The following C3orf20 variants were observed in gnomAD, a reference collection of about 807,000 sequenced individuals.
The protein encoded by C3orf20 is uncharacterized protein C3orf20.
A neutral mutation model predicts 88.3 loss-of-function variants in C3orf20; 76 were observed. That is an observed-to-expected ratio of 0.86 (90% CI 0.72 to 1.04). The LOEUF is 1.04. Ranked by LOEUF, C3orf20 falls within the 50% of genes least tolerant of loss-of-function variation. The pLI, the probability that C3orf20 is intolerant of heterozygous loss-of-function variation, is 0.00. For synonymous variants in C3orf20, 436 were observed against 437.4 expected (o/e 1.00, Z 0.04); for missense variants, 1,056 against 1,123.3 (o/e 0.94, Z 0.86).
At chr3:14,727,272 T>C (rs1344647277) in intron 11 of C3orf20, among the ~76,000 whole-genome samples, 1 of 152,030 alleles carries the variant, frequency 6.6e-6, no homozygotes, top group East Asian at 1.9e-4. Context: ...TCTCCCAGAG[T>C]GTCTTGCACA....
At chr3:14,760,036 C>A in intron 14 of C3orf20, 38 bp downstream of exon 14, 1 of 1,472,062 alleles carries the variant, frequency 6.8e-7, no homozygotes, top group Non-Finnish European at 9.5e-7. Context: ...TGCCTGCCAC[C>A]CCAGCCGCAG....
At chr3:14,747,791 TA>T (rs1003261672) in intron 12 of C3orf20, among the ~76,000 whole-genome samples, 9 of 152,054 alleles carry the variant, frequency 5.9e-5, no homozygotes, top group Non-Finnish European at 1.3e-4. Flanking sequence ...GACCTTTTTT[TA>T]AAAAATGTTG....
intron 12 of C3orf20, among the ~76,000 whole-genome samples, chr3:14,742,693 A>C (rs143183210): frequency 6.6e-5 from 10 of 152,300 alleles, no homozygotes; most frequent in African/African-American, 2.4e-4. Flanking sequence ...GACATACCCG[A>C]AACTGGGAAC....
chr3:14,677,752 C>T (rs547340554), intron 1 of C3orf20, among the ~76,000 whole-genome samples: 4 of 152,114 alleles, frequency 2.6e-5, no homozygotes, highest in African/African-American at 9.7e-5. Flanking sequence ...CTGCCCGCCT[C>T]GGCCTCCCAA....
Position 14,757,404 on chromosome 3 carries a change from G to A in C3orf20, c.1974G>A (p.Arg658=). Residue 658 remains arginine (R), a synonymous_variant, in exon 13 of 17, where the codon AGG becomes AGA. Coordinates refer to ENST00000253697, the MANE Select transcript of C3orf20 (RefSeq NM_032137.5). ...GKAREGRSPT[R]WAALPSDCPL... is the part of the protein sequence containing the mutation. ...CCCGCGAGGGGCGCAGCCCCACCAG[G>A]TGGGCGGCCTTGCCCTCAGACTGCC... The A allele has an allele frequency of 1.2e-6, 2 of 1,611,894 alleles. No homozygotes were observed. The highest frequency in any genetic ancestry group is 1.7e-5 in the Admixed American group (1 of 60,014).
At chr3:14,677,312 T>A (rs1269252310) in intron 1 of C3orf20, among the ~76,000 whole-genome samples, 1 of 152,130 alleles carries the variant, frequency 6.6e-6, no homozygotes, top group Non-Finnish European at 1.5e-5. Flanking sequence ...TGCTTTTAAA[T>A]CTATGCTTAT....
chr3:14,727,924 T>G (rs1053352623), intron 11 of C3orf20, among the ~76,000 whole-genome samples: 1 of 152,146 alleles, frequency 6.6e-6, no homozygotes, highest in Non-Finnish European at 1.5e-5. Context: ...CTCTGCATGC[T>G]CAGCACCCAC....
chr3:14,684,247 G>A lies in C3orf20; in HGVS notation c.490G>A (p.Ala164Thr). Residue 164 changes from alanine to threonine, a missense_variant, in exon 4 of 17, where the codon GCC becomes ACC. By Grantham distance (58) the Ala-to-Thr change is moderately conservative (BLOSUM62 0). Coordinates refer to ENST00000253697, the MANE Select transcript of C3orf20 (RefSeq NM_032137.5). ...GCTTTCTATCATTGCTTTAGTGGGT[G>A]CCAACCCCTTGGACATCACCAGGCG... ...KAMVESMSVG[A>T]NPLDITRRFV... The A allele has an allele frequency of 6.2e-7, 1 of 1,614,052 alleles. No individual in the cohort carries two copies. Among genetic ancestry groups the A allele is most frequent in the African/African-American group, 1.3e-5 (1 of 75,028 alleles).
chr3:14,765,612 G>C (rs377739284), intron 15 of C3orf20: 6 of 152,690 alleles, frequency 3.9e-5, no homozygotes, highest in East Asian at 1.9e-4. Context: ...CAAGTGTTGG[G>C]GGGGAGTCCA....
At chr3:14,760,955 C>T (rs1049039356) in intron 14 of C3orf20, among the ~76,000 whole-genome samples, 26 of 152,084 alleles carry the variant, frequency 1.7e-4, no homozygotes, top group African/African-American at 5.5e-4. Context: ...CAAATAATGC[C>T]GTCATGAATA....
rs747416838 is a variant in C3orf20, at chr3:14,728,630, C to T, written c.1882C>T (p.Pro628Ser). 11 of 1,613,996 alleles carry T rather than the reference C, an allele frequency of 6.8e-6. No homozygotes were observed. Among genetic ancestry groups the T allele is most frequent in the East Asian group, 2.2e-5 (1 of 44,886 alleles). Residue 628 changes from proline (P) to serine (S), a missense_variant, in exon 12 of 17, where the codon CCT (proline) becomes TCT (serine). By Grantham distance (74) the Pro-to-Ser change is moderately conservative. Coordinates refer to ENST00000253697, the MANE Select transcript of C3orf20 (RefSeq NM_032137.5). Reference sequence around the variant, plus strand: ...TTTGAAGGATGAGCCTGAGTCTGCTCCTGTGAGCCCAGTTCGGAAGACCAC... The same window carrying T: ...TTTGAAGGATGAGCCTGAGTCTGCTTCTGTGAGCCCAGTTCGGAAGACCAC... ...ETLKDEPESAPVSPVRKTTKI... is the reference protein window; with the variant it reads ...ETLKDEPESASVSPVRKTTKI...
intron 5 of C3orf20, among the ~76,000 whole-genome samples, chr3:14,698,025 G>A (rs967666636): frequency 1.3e-5 from 2 of 152,164 alleles, no homozygotes; most frequent in African/African-American, 4.8e-5. Flanking sequence ...ACATACGTGT[G>A]CATGTGTCTT....
At chr3:14,732,225 G>A (rs1045371024) in intron 12 of C3orf20, among the ~76,000 whole-genome samples, 4 of 152,146 alleles carry the variant, frequency 2.6e-5, no homozygotes, top group Admixed American at 2.6e-4. Context: ...GTTTTAATTT[G>A]CATTTCCCTA....
rs142136877 is a variant in C3orf20 at position 14,693,358 on chromosome 3, G to A, written c.745+3242G>A. Among the ~76,000 whole-genome samples the A allele has an allele frequency of 5.1e-3, 770 of 152,222 alleles. 5 individuals are homozygous for A. The highest frequency in any genetic ancestry group is 0.018 in the African/African-American group (728 of 41,536). On this transcript the variant is annotated intron_variant, in intron 5 of 16. Coordinates refer to ENST00000253697, the MANE Select transcript of C3orf20 (RefSeq NM_032137.5). The stretch of plus-strand genomic sequence containing the variant: ...ATTTATTCTTCCAATCCATGAACAT[G>A]GAATAGCTTTCCATTTTCTGATGTC...
At chr3:14,743,448 T>C (rs1239314114) in intron 12 of C3orf20, among the ~76,000 whole-genome samples, 1 of 151,968 alleles carries the variant, frequency 6.6e-6, no homozygotes, top group African/African-American at 2.4e-5. Flanking sequence ...GCTCCTTTCA[T>C]GGGCTGACGT....
chr3:14,749,149 T>C (rs193162518), intron 12 of C3orf20, among the ~76,000 whole-genome samples: 1 of 152,352 alleles, frequency 6.6e-6, no homozygotes, highest in Non-Finnish European at 1.5e-5. Flanking sequence ...GTGTATATGT[T>C]TGCAATTGTT....
chr3:14,762,487 G>A (rs1190654648), intron 15 of C3orf20, among the ~76,000 whole-genome samples: 1 of 152,190 alleles, frequency 6.6e-6, no homozygotes, highest in Admixed American at 6.5e-5. Flanking sequence ...GGGCAGCACG[G>A]TGCAGTGAGA....
chr3:14,722,533 A>G (rs1402696244), intron 10 of C3orf20: 5 of 456,718 alleles, frequency 1.1e-5, no homozygotes, highest in South Asian at 7.7e-5. Flanking sequence ...GTGCATGTTG[A>G]TGACCCTCTC....
rs922331515 is a variant in C3orf20 at position 14,693,035 on chromosome 3, C to T, written c.745+2919C>T. Among the ~76,000 whole-genome samples, 10 of 152,036 alleles carry T rather than the reference C, an allele frequency of 6.6e-5. No individual in the cohort carries two copies. The East Asian group carries it at 1.2e-3, about 18-fold the overall frequency. On this transcript the variant is annotated intron_variant, in intron 5 of 16. Coordinates refer to ENST00000253697, the MANE Select transcript of C3orf20 (RefSeq NM_032137.5). Reference sequence around the variant, plus strand: ...TTGTCATAAATGGGTTCATTGTAGACGTATAGATTTATTTTGGGGCTCTGT... The same window carrying T: ...TTGTCATAAATGGGTTCATTGTAGATGTATAGATTTATTTTGGGGCTCTGT...
Sources: allele counts gnomAD v4.1 joint callset (sites outside exome capture counted in the v4.1 genomes callset), GRCh38; gene constraint gnomAD v4.1.1; transcripts MANE v1.5; gene names NCBI Gene and HGNC (gene_info 2026-07-23, HGNC 2026-07-21).